HS6ST3: variants seen among roughly 807,000 people sequenced by gnomAD.
HS6ST3 encodes heparan-sulfate 6-O-sulfotransferase 3.
In HS6ST3, 12 loss-of-function variants were observed where a neutral mutation model predicts 36.7. That is an observed-to-expected ratio of 0.33 (90% CI 0.21 to 0.53). The LOEUF (loss-of-function observed/expected upper bound fraction) is 0.53, where lower values mean the gene tolerates loss of function less well. Ranked by LOEUF, HS6ST3 falls within the 20% of genes least tolerant of loss-of-function variation. The pLI, the probability that HS6ST3 is intolerant of heterozygous loss-of-function variation, is 0.95. For synonymous variants in HS6ST3, 240 were observed against 257.5 expected (o/e 0.93, Z 0.65); for missense variants, 584 against 640.9 (o/e 0.91, Z 0.96).
chr13:96,752,043 A>G (rs895721537), intron 1 of HS6ST3, among the ~76,000 whole-genome samples: 1 of 152,098 alleles, frequency 6.6e-6, no homozygotes, highest in Non-Finnish European at 1.5e-5. Context: ...TATCCTTCCA[A>G]TGTAACTACT....
intron 1 of HS6ST3, among the ~76,000 whole-genome samples, chr13:96,563,648 T>G (rs755440392): frequency 6.6e-6 from 1 of 152,166 alleles, no homozygotes; most frequent in Non-Finnish European, 1.5e-5. Context: ...AAAGCTGTAA[T>G]GGGTGATACA....
Position 96,347,861 on chromosome 13 carries a change from C to G in HS6ST3, c.707+256292C>G, listed in dbSNP as rs369647357. Reference sequence around the variant, plus strand: ...CTATAACTGGGCTGAGTACGCCGCTCTGTGCTTTCATTCCAGAGCACTTCT... The same window carrying G: ...CTATAACTGGGCTGAGTACGCCGCTGTGTGCTTTCATTCCAGAGCACTTCT... On this transcript the variant is annotated intron_variant, in intron 1 of 1. Transcript: ENST00000376705. Among the ~76,000 whole-genome samples, 19 of 152,314 alleles carry G rather than the reference C, an allele frequency of 1.2e-4. No individual in the cohort carries two copies. The South Asian group carries it at 3.7e-3, about 30-fold the overall frequency.
chr13:96,132,416 T>G (rs1332313877), intron 1 of HS6ST3, among the ~76,000 whole-genome samples: 1 of 152,048 alleles, frequency 6.6e-6, no homozygotes, highest in Admixed American at 6.6e-5. Flanking sequence ...TTTTCTTTTT[T>G]TTTTTTAAGA....
At chr13:96,280,814 G>T (rs2054772024) in intron 1 of HS6ST3, among the ~76,000 whole-genome samples, 1 of 152,102 alleles carries the variant, frequency 6.6e-6, no homozygotes, top group South Asian at 2.1e-4. Flanking sequence ...CAGAATAAGA[G>T]AAGTACATGT....
At chr13:96,307,104 A>G (rs1013648285) in intron 1 of HS6ST3, among the ~76,000 whole-genome samples, 1 of 152,194 alleles carries the variant, frequency 6.6e-6, no homozygotes, top group Non-Finnish European at 1.5e-5. Flanking sequence ...GTGCCATTAA[A>G]TTTCTGTTGG....
chr13:96,475,668 A>G (rs377049093), intron 1 of HS6ST3, among the ~76,000 whole-genome samples: 1 of 151,726 alleles, frequency 6.6e-6, no homozygotes, highest in African/African-American at 2.4e-5. Flanking sequence ...TTCTGAATTT[A>G]GTTTTTCTAA....
At chr13:96,822,102 G>C (rs1878547265) in intron 1 of HS6ST3, among the ~76,000 whole-genome samples, 1 of 152,168 alleles carries the variant, frequency 6.6e-6, no homozygotes, top group Admixed American at 6.5e-5. Flanking sequence ...GCTGAGCACG[G>C]AGGGCCTGAT....
At chr13:96,556,292 T>C (rs1054319273) in intron 1 of HS6ST3, among the ~76,000 whole-genome samples, 1 of 152,208 alleles carries the variant, frequency 6.6e-6, no homozygotes, top group African/African-American at 2.4e-5. Flanking sequence ...TTTTCATGCT[T>C]CTGTATTTAT....
intron 1 of HS6ST3, among the ~76,000 whole-genome samples, chr13:96,376,936 C>G (rs1324837351): frequency 6.7e-6 from 1 of 149,972 alleles, no homozygotes; most frequent in South Asian, 2.1e-4. Flanking sequence ...GGCAACATAG[C>G]AAGACCTCTA....
At chr13:96,393,799 A>G (rs1326520785) in intron 1 of HS6ST3, among the ~76,000 whole-genome samples, 2 of 152,140 alleles carry the variant, frequency 1.3e-5, no homozygotes, top group Non-Finnish European at 2.9e-5. Flanking sequence ...TCCTTATAAA[A>G]TATTAGCTGT....
At chr13:96,625,427 A>C (rs1012119892) in intron 1 of HS6ST3, among the ~76,000 whole-genome samples, 1 of 152,164 alleles carries the variant, frequency 6.6e-6, no homozygotes, top group South Asian at 2.1e-4. Flanking sequence ...GTCCAACTTT[A>C]CAAGGCATAG....
At chr13:96,506,786 A>T (rs149515337) in intron 1 of HS6ST3, among the ~76,000 whole-genome samples, 3 of 152,282 alleles carry the variant, frequency 2.0e-5, no homozygotes, top group African/African-American at 4.8e-5. Context: ...TGTGTAACTG[A>T]AAACCAATCA....
chr13:96,104,339 A>G (rs1251960697), intron 1 of HS6ST3, among the ~76,000 whole-genome samples: 1 of 152,186 alleles, frequency 6.6e-6, no homozygotes, highest in African/African-American at 2.4e-5. Flanking sequence ...CAACTCCAGG[A>G]TATGACAGAT....
chr13:96,329,598 C>T (rs947535992), intron 1 of HS6ST3, among the ~76,000 whole-genome samples: 4 of 127,738 alleles, frequency 3.1e-5, no homozygotes, highest in Non-Finnish European at 4.9e-5. Flanking sequence ...AGCTTTACTT[C>T]CAAGTATGTG....
At chr13:96,109,258 A>C (rs752166875) in intron 1 of HS6ST3, among the ~76,000 whole-genome samples, 12 of 152,218 alleles carry the variant, frequency 7.9e-5, no homozygotes, top group Admixed American at 2.0e-4. Flanking sequence ...GAGTCTGACT[A>C]TTGGATGTGA....
At chr13:96,714,656 A>G (rs143257384) in intron 1 of HS6ST3, among the ~76,000 whole-genome samples, 20 of 152,286 alleles carry the variant, frequency 1.3e-4, no homozygotes, top group African/African-American at 4.8e-4. Context: ...AGCCTAGAAC[A>G]ATGCTTGCAT....
chr13:96,698,094 T>G (rs930397607), intron 1 of HS6ST3, among the ~76,000 whole-genome samples: 2 of 152,220 alleles, frequency 1.3e-5, no homozygotes, highest in Non-Finnish European at 1.5e-5. Context: ...GTGCACAACG[T>G]GCAGGTTTGT....
In HS6ST3 at chr13:96,771,312, C is replaced by A. The variant is rs1221077144; in HGVS notation, c.708-61178C>A. 2.0e-5 allele frequency among the ~76,000 whole-genome samples: 3 copies of A among 151,192 alleles called. No individual in the cohort carries two copies. The South Asian group carries it at 6.3e-4, about 32-fold the overall frequency. On this transcript the variant is annotated intron_variant, in intron 1 of 1. Coordinates refer to ENST00000376705, the MANE Select transcript of HS6ST3 (RefSeq NM_153456.4). ...AGGAGGGATAGCATTAGGAGATATA[C>A]CTAATGTAAATGACGAGTTAATGGG...
chr13:96,789,126 T>C (rs1877721404), intron 1 of HS6ST3, among the ~76,000 whole-genome samples: 1 of 151,876 alleles, frequency 6.6e-6, no homozygotes, highest in South Asian at 2.1e-4. Context: ...ATTACTTGAA[T>C]ATTTTTTGTT....
Sources: allele counts gnomAD v4.1 joint callset (sites outside exome capture counted in the v4.1 genomes callset), GRCh38; gene constraint gnomAD v4.1.1; transcripts MANE v1.5; gene names NCBI Gene and HGNC (gene_info 2026-07-23, HGNC 2026-07-21).